CDHR5: variants seen among roughly 807,000 people sequenced by gnomAD.
The protein encoded by CDHR5 is cadherin related family member 5.
A neutral mutation model predicts 69.5 loss-of-function variants in CDHR5; 82 were observed. The ratio of observed to expected loss-of-function variants is 1.18; its 90% CI spans 0.99 to 1.42. CDHR5 has a LOEUF of 1.42. CDHR5 is among the 40% of genes most tolerant of loss of function. The pLI is 0.00. For missense variants in CDHR5, 1,293 were observed against 1,168.9 expected (o/e 1.11, Z -1.55); for synonymous variants, 601 against 510.2 (o/e 1.18, Z -2.40).
chr11:617,414 GCCCTCA>G lies in CDHR5; in HGVS notation c.2469_2474del (p.Glu826_Gly827del). 6.2e-7 allele frequency: 1 copy of G among 1,611,440 alleles called. No homozygotes were observed. Among genetic ancestry groups the G allele is most frequent in the Non-Finnish European group, 8.5e-7 (1 of 1,179,058 alleles). On this transcript the variant is annotated inframe_deletion, in exon 15 of 15. Transcript: ENST00000397542. ...GACCCCCACCCCTCCCCGCGCCCTC[GCCCTCA>G]TCGCCGCTGCCGGAGTCACTGGCGC...
At position 624,767 on chromosome 11, in the gene CDHR5, AGCCCCTGGCTCCCCGCC is replaced by A. The variant is rs1412943961; in HGVS notation, c.85+34_86-36del. The A allele has an allele frequency of 1.1e-5, 18 of 1,603,730 alleles. No individual in the cohort carries two copies. The highest frequency in any genetic ancestry group is 1.5e-5 in the Non-Finnish European group (18 of 1,173,508). ...TGCAGAGGAGGGATCAGTGCCTCCC[AGCCCCTGGCTCCCCGCC>A]GCCCGTGCCCCACCTACCCCTGCCC... On this transcript the variant is annotated intron_variant, in intron 1 of 14. Coordinates refer to ENST00000397542, the MANE Select transcript of CDHR5 (RefSeq NM_021924.5). The surrounding 1 kb of genome is among the most constrained non-coding windows in gnomAD (Gnocchi z 5.3).
In CDHR5 at chr11:617,219, C is replaced by A. The variant is rs1471804485; in HGVS notation, c.*132G>T. On this transcript the variant is annotated 3_prime_UTR_variant, in exon 15 of 15. Transcript: ENST00000397542. ...CAGGGGACTGAGTGAATGGGACCCC[C>A]ATGGACCCGCGCGCCTGCCCCACGC... is the stretch of plus-strand genomic sequence containing the variant. 2 of 690,882 alleles carry A rather than the reference C, an allele frequency of 2.9e-6. No individual in the cohort carries two copies. The highest frequency in any genetic ancestry group is 5.0e-6 in the Non-Finnish European group (2 of 403,230). 42.8% of individuals were successfully genotyped at this position (690,882 alleles called of 1,614,324 possible). A position where few individuals can be genotyped will look rare whatever the true frequency, so the allele number is the denominator to read the frequency against.
rs559648965 is a variant in CDHR5 at position 621,298 on chromosome 11, G to T, written c.618+47C>A. On this transcript the variant is annotated intron_variant, in intron 6 of 14. Coordinates refer to ENST00000397542, the MANE Select transcript of CDHR5 (RefSeq NM_021924.5). This position sits in a 1 kb window ranked among gnomAD's most constrained non-coding sequence, Gnocchi z 4.4. ...ATCAGGCCTGGGAGCAGCTGGGGCC[G>T]GGGGGCCTCAAGTGTGTGGGACTCG... 3 of 1,607,986 alleles carry T rather than the reference G, an allele frequency of 1.9e-6. No homozygotes were observed. Among genetic ancestry groups the T allele is most frequent in the Admixed American group, 3.3e-5 (2 of 59,826 alleles).
chr11:619,673 C>T lies in CDHR5; in HGVS notation c.1179+8G>A, dbSNP rs1391681192. 2.5e-6 allele frequency: 4 copies of T among 1,613,150 alleles called. No individual in the cohort carries two copies. In the Admixed American group the frequency reaches 5.0e-5, roughly 20 times the overall value. On this transcript the variant is annotated splice_region_variant and intron_variant, in intron 10 of 14. Transcript: ENST00000397542. ...CCACAGAGGGGAGGCCTTGGATGCA[C>T]TCTCTACCGAGAACTCCGGGTCCTG...
chr11:618,588 G>A lies in CDHR5; in HGVS notation c.1960+11C>T. On this transcript the variant is annotated intron_variant, in intron 13 of 14. Transcript: ENST00000397542. ...GGAGTCAGGGAGGGAAGGCAACAGA[G>A]TGGGTGCTACCTGAAGATGGGGTGC... The A allele has an allele frequency of 2.7e-5, 43 of 1,613,652 alleles. No homozygotes were observed. Among genetic ancestry groups the A allele is most frequent in the Non-Finnish European group, 3.4e-5 (40 of 1,179,850 alleles).
intron 8 of CDHR5, 38 bp downstream of exon 8, chr11:620,258 G>A (rs375815486): frequency 5.1e-5 from 81 of 1,587,308 alleles, no homozygotes; most frequent in Non-Finnish European, 6.5e-5. Context: ...AGGGACAGAG[G>A]GGGTACAGGG....
chr11:617,865 C>T, intron 14 of CDHR5, 89 bp downstream of exon 14: 36 of 1,514,698 alleles, frequency 2.4e-5, no homozygotes, highest in Non-Finnish European at 3.1e-5. Flanking sequence ...CCTCCGTCTC[C>T]ACATCTGTCC....
chr11:618,214 G>A (rs1473238755), intron 13 of CDHR5, 103 bp from the exon 14 acceptor site: 16 of 978,920 alleles, frequency 1.6e-5, no homozygotes, highest in Non-Finnish European at 2.4e-5. Context: ...GTTCCACCCA[G>A]GCCTGGGCTG....
In CDHR5 at chr11:621,022, C is replaced by T; in HGVS notation, c.789+58G>A. The T allele has an allele frequency of 4.5e-6, 6 of 1,330,424 alleles. No individual in the cohort carries two copies. Among genetic ancestry groups the T allele is most frequent in the Non-Finnish European group, 4.1e-6 (4 of 983,430 alleles). 82.4% of individuals were successfully genotyped at this position (1,330,424 alleles called of 1,614,324 possible). ...CTTCCTCTCCTGATCCTGGCCGTCC[C>T]TGTGTCCAGCCTGCCTAGAAGGCCC... On this transcript the variant is annotated intron_variant, in intron 7 of 14. Coordinates refer to ENST00000397542, the MANE Select transcript of CDHR5 (RefSeq NM_021924.5). This position sits in a 1 kb window ranked among gnomAD's most constrained non-coding sequence, Gnocchi z 4.4.
chr11:618,501 G>A lies in CDHR5; in HGVS notation c.1960+98C>T, dbSNP rs956045860. On this transcript the variant is annotated intron_variant, in intron 13 of 14. Coordinates refer to ENST00000397542, the MANE Select transcript of CDHR5 (RefSeq NM_021924.5). The stretch of plus-strand genomic sequence containing the variant: ...ACAGACTCCTCTTTGGGATTTCATG[G>A]TCAGGCCAGGTCAGCCTGGGGTGGA... The A allele has an allele frequency of 4.1e-5, 58 of 1,405,636 alleles. No homozygotes were observed. The African/African-American group carries it at 7.4e-4, about 18-fold the overall frequency. 87.1% of individuals were successfully genotyped at this position (1,405,636 alleles called of 1,614,324 possible).
rs746133747 is a variant in CDHR5 at position 618,007 on chromosome 11, G to C, written c.2065C>G (p.Leu689Val). The C allele has an allele frequency of 1.6e-5, 25 of 1,612,464 alleles. No homozygotes were observed. The East Asian group carries it at 2.5e-4, about 16-fold the overall frequency. ...LLLALLGLAV[L>V]VHKHYGPRLK... ...CGGGGGCCATAGTGCTTGTGGACAA[G>C]GACGGCGAGGCCAAGGAGAGCCAGC... The change falls in exon 14 of 15, where the codon CTT (leucine) becomes GTT (valine). Residue 689 changes from leucine (L) to valine (V), a missense_variant. Leu to Val is a conservative substitution (Grantham distance 32). Transcript: ENST00000397542.
rs1857644996 is a variant in CDHR5 at position 624,942 on chromosome 11, T to G, written c.-40A>C. 6.7e-7 allele frequency: 1 copy of G among 1,489,548 alleles called. No individual in the cohort carries two copies. The highest frequency in any genetic ancestry group is 9.0e-7 in the Non-Finnish European group (1 of 1,106,344). 92.3% of individuals were successfully genotyped at this position (1,489,548 alleles called of 1,614,324 possible). A position where few individuals can be genotyped will look rare whatever the true frequency, so the allele number is the denominator to read the frequency against. ...CCTGGCAGGAGGGTCTGAGCGGGTC[T>G]GGCGTCTAGGACTGGCGCAGTTCCT... On this transcript the variant is annotated 5_prime_UTR_variant, in exon 1 of 15. Transcript: ENST00000397542. The surrounding 1 kb of genome is among the most constrained non-coding windows in gnomAD (Gnocchi z 5.3).
rs747167173 is a variant in CDHR5, at chr11:624,398, C to T, written c.262-135G>A. On this transcript the variant is annotated intron_variant, in intron 2 of 14. Transcript: ENST00000397542. The surrounding 1 kb of genome is among the most constrained non-coding windows in gnomAD (Gnocchi z 5.3). ...AGGGTGTGGGCCCAGGCAGCTTCAT[C>T]CCGAAATGGCCCAGCCTTCTAGGGC... 1 of 808,008 alleles carries T rather than the reference C, an allele frequency of 1.2e-6. No individual in the cohort carries two copies. The highest frequency in any genetic ancestry group is 2.1e-6 in the Non-Finnish European group (1 of 465,418). The allele number at this position is 808,008 out of a possible 1,614,324, so 50.1% of individuals were successfully genotyped here. A position where few individuals can be genotyped will look rare whatever the true frequency, so the allele number is the denominator to read the frequency against.
chr11:624,767 A>C lies in CDHR5; in HGVS notation c.86-35T>G. The C allele has an allele frequency of 6.2e-7, 1 of 1,603,730 alleles. No homozygotes were observed. Among genetic ancestry groups the C allele is most frequent in the Non-Finnish European group, 8.5e-7 (1 of 1,173,508 alleles). On this transcript the variant is annotated intron_variant, in intron 1 of 14. Coordinates refer to ENST00000397542, the MANE Select transcript of CDHR5 (RefSeq NM_021924.5). The surrounding 1 kb of genome is among the most constrained non-coding windows in gnomAD (Gnocchi z 5.3). ...TGCAGAGGAGGGATCAGTGCCTCCC[A>C]GCCCCTGGCTCCCCGCCGCCCGTGC...
chr11:619,979 C>T, intron 9 of CDHR5, 88 bp downstream of exon 9: 5 of 1,384,416 alleles, frequency 3.6e-6, no homozygotes, highest in Non-Finnish European at 2.9e-6. Context: ...TTGGCGGGGG[C>T]CCTGCCCCGG....
At chr11:623,460 A>G (rs1213080569) in intron 3 of CDHR5, among the ~76,000 whole-genome samples, 2 of 152,162 alleles carry the variant, frequency 1.3e-5, no homozygotes, top group African/African-American at 4.8e-5. Context: ...ATAAAGCCGA[A>G]AAAAATGCCG....
Position 621,817 on chromosome 11 carries a change from C to G in CDHR5, c.400G>C (p.Glu134Gln), listed in dbSNP as rs1219188342. ...FPFKTKEIRV[E>Q]EDTKVNSTVI... ...CGCGGCTTCGCTGGCCTCACCTCCT[C>G]CACCCTTATCTCCTTGGTCTTAAAG... Residue 134 changes from glutamate to glutamine, a missense_variant, in exon 4 of 15, where the codon GAG (glutamate) becomes CAG (glutamine). Coordinates refer to ENST00000397542, the MANE Select transcript of CDHR5 (RefSeq NM_021924.5). The surrounding 1 kb of genome is among the most constrained non-coding windows in gnomAD (Gnocchi z 4.4). 13 of 1,612,940 alleles carry G rather than the reference C, an allele frequency of 8.1e-6. No individual in the cohort carries two copies. Among genetic ancestry groups the G allele is most frequent in the African/African-American group, 1.3e-5 (1 of 74,890 alleles).
rs779084236 is a variant in CDHR5, at chr11:617,595, G to T, written c.2294C>A (p.Ala765Asp). 6 of 1,607,972 alleles carry T rather than the reference G, an allele frequency of 3.7e-6. No individual in the cohort carries two copies. Among genetic ancestry groups the T allele is most frequent in the Admixed American group, 1.7e-5 (1 of 59,550 alleles). ...PGGAPEPPAAARAGGSPTAVR... is the reference protein window; with the variant it reads ...PGGAPEPPAADRAGGSPTAVR... ...CGCCGTGGGGCTTCCGCCAGCTCGG[G>T]CCGCTGCGGGGGGCTCAGGGGCACC... The change falls in exon 15 of 15, where the codon GCC (alanine) becomes GAC (aspartate). Residue 765 changes from alanine (A) to aspartate (D), a missense_variant. Ala to Asp is a moderately radical substitution (Grantham distance 126). Transcript: ENST00000397542.
chr11:619,956 G>A (rs1857266576), intron 9 of CDHR5, 75 bp from the exon 10 acceptor site: 1 of 1,431,722 alleles, frequency 7.0e-7, no homozygotes, highest in Non-Finnish European at 9.4e-7. Flanking sequence ...GCTCAGGAAA[G>A]GCAGGTGCAG....
Sources: gnomAD v4.1 joint callset for allele counts (sites outside exome capture counted in the v4.1 genomes callset) on GRCh38, gnomAD v4.1.1 for gene constraint, Gnocchi (gnomAD v3.1) non-coding constraint, MANE v1.5 for transcripts, NCBI Gene and HGNC (gene_info 2026-07-23, HGNC 2026-07-21) for gene names.